The following UBE2Q2 variants were observed in gnomAD, a reference collection of about 807,000 sequenced individuals.
The protein encoded by UBE2Q2 is ubiquitin-conjugating enzyme E2 Q2.
UBE2Q2 carries 54 observed loss-of-function variants against 59.9 expected under a neutral mutation model. The observed-to-expected ratio is 0.90, with a 90% CI of 0.72 to 1.13. The LOEUF is 1.13. Ranked by LOEUF, UBE2Q2 falls within the 50% of genes most tolerant of loss-of-function variation. The pLI is 0.00. For synonymous variants in UBE2Q2, 165 were observed against 155.2 expected (o/e 1.06, Z -0.47); for missense variants, 433 against 441.9 (o/e 0.98, Z 0.18).
chr15:75,868,619 AT>A (rs1897629069), intron 3 of UBE2Q2, among the ~76,000 whole-genome samples: 1 of 152,218 alleles, frequency 6.6e-6, no homozygotes, highest in South Asian at 2.1e-4. Context: ...CATTGATCTT[AT>A]GCATATAGCC....
chr15:75,893,210 TTTAATC>T (rs796074860), intron 11 of UBE2Q2, among the ~76,000 whole-genome samples: 46 of 152,308 alleles, frequency 3.0e-4, no homozygotes, highest in African/African-American at 1.0e-3. Context: ...ATCCAGCTGT[TTTAATC>T]TATATATTTA....
At chr15:75,846,630 A>C (rs1192671173) in intron 1 of UBE2Q2, among the ~76,000 whole-genome samples, 1 of 152,226 alleles carries the variant, frequency 6.6e-6, no homozygotes, top group African/African-American at 2.4e-5. Flanking sequence ...GTTGGATTTC[A>C]AATGATTTGG....
intron 3 of UBE2Q2, among the ~76,000 whole-genome samples, chr15:75,864,905 A>G (rs1004208603): frequency 7.9e-5 from 12 of 152,222 alleles, no homozygotes; most frequent in Non-Finnish European, 1.6e-4. Context: ...GTAAGGGTAT[A>G]CATTTTCTTT....
chr15:75,859,776 CTT>C, intron 2 of UBE2Q2, 100 bp from the exon 3 acceptor site: 1 of 785,748 alleles, frequency 1.3e-6, no homozygotes, highest in East Asian at 3.1e-5. Flanking sequence ...CAGTAACAAA[CTT>C]TTTCATTTCC....
chr15:75,891,403 T>C (rs1390639849), intron 11 of UBE2Q2, among the ~76,000 whole-genome samples: 1 of 152,118 alleles, frequency 6.6e-6, no homozygotes, highest in African/African-American at 2.4e-5. Context: ...ATAGAACTAA[T>C]TCCTGGTAAG....
Position 75,899,717 on chromosome 15 carries a change from CT to C in UBE2Q2, c.*264del. On this transcript the variant is annotated 3_prime_UTR_variant, in exon 13 of 13. Coordinates refer to ENST00000267938, the MANE Select transcript of UBE2Q2 (RefSeq NM_173469.4). ...TACACATACTGGCCACTCCTTATCT[CT>C]TTTTCTTGAAAAGTGAACTTTTTAA... The C allele has an allele frequency of 4.2e-6, 1 of 240,964 alleles. No homozygotes were observed. The highest frequency in any genetic ancestry group is 8.0e-6 in the Non-Finnish European group (1 of 125,708). 14.9% of individuals were successfully genotyped at this position (240,964 alleles called of 1,614,324 possible).
At chr15:75,889,013 A>G (rs527963410) in intron 9 of UBE2Q2, among the ~76,000 whole-genome samples, 1 of 152,180 alleles carries the variant, frequency 6.6e-6, no homozygotes, top group South Asian at 2.1e-4. Context: ...TAACTCATCA[A>G]CCGATTATTA....
chr15:75,848,983 T>C (rs188069501), intron 1 of UBE2Q2, among the ~76,000 whole-genome samples: 238 of 152,306 alleles, frequency 1.6e-3, no homozygotes, highest in Middle Eastern at 6.8e-3. Context: ...CTTACAATGA[T>C]GTTCTCAGTA....
intron 2 of UBE2Q2, among the ~76,000 whole-genome samples, chr15:75,855,542 A>G (rs1238222748): frequency 6.6e-6 from 1 of 152,124 alleles, no homozygotes; most frequent in African/African-American, 2.4e-5. Flanking sequence ...CAGTCTTTAT[A>G]GAAAAATAAT....
chr15:75,897,077 TAA>T lies in UBE2Q2; in HGVS notation c.1096+17_1096+18del, dbSNP rs1293831082. The T allele has an allele frequency of 2.7e-6, 4 of 1,473,252 alleles. No individual in the cohort carries two copies. The highest frequency in any genetic ancestry group is 3.7e-6 in the Non-Finnish European group (4 of 1,082,586). 91.3% of individuals were successfully genotyped at this position (1,473,252 alleles called of 1,614,324 possible). ...GAGAAAAATGGTATGTTTAATTCAA[TAA>T]GTGTTTATTGCCATTTAAGAAGTTT... is the stretch of plus-strand genomic sequence containing the variant. On this transcript the variant is annotated intron_variant, in intron 12 of 12. Transcript: ENST00000267938.
intron 3 of UBE2Q2, among the ~76,000 whole-genome samples, chr15:75,865,602 A>T (rs548905652): frequency 1.3e-5 from 2 of 152,290 alleles, no homozygotes; most frequent in South Asian, 4.1e-4. Flanking sequence ...ACTTTTTAAA[A>T]AGCATTTTCA....
chr15:75,848,687 A>G (rs1488484323), intron 1 of UBE2Q2, among the ~76,000 whole-genome samples: 1 of 151,654 alleles, frequency 6.6e-6, no homozygotes, highest in African/African-American at 2.4e-5. Flanking sequence ...TTGGTTAAAC[A>G]TATTTAGACC....
chr15:75,879,915 T>C (rs1324332045), intron 8 of UBE2Q2, among the ~76,000 whole-genome samples: 2 of 151,748 alleles, frequency 1.3e-5, no homozygotes, highest in African/African-American at 4.8e-5. Context: ...GGGTAAGGAG[T>C]CCATCTAGGT....
chr15:75,883,788 G>A (rs2141650090), intron 9 of UBE2Q2, among the ~76,000 whole-genome samples: 1 of 152,152 alleles, frequency 6.6e-6, no homozygotes, highest in Middle Eastern at 3.4e-3. Context: ...AAAGCATTAT[G>A]TTGTTGATAG....
intron 2 of UBE2Q2, among the ~76,000 whole-genome samples, chr15:75,856,946 A>C (rs1896951377): frequency 6.6e-6 from 1 of 152,054 alleles, no homozygotes; most frequent in African/African-American, 2.4e-5. Context: ...GTCTCCAAAA[A>C]AAAAAAAAAG....
At chr15:75,852,694 A>G (rs771178211) in intron 1 of UBE2Q2, among the ~76,000 whole-genome samples, 8 of 152,220 alleles carry the variant, frequency 5.3e-5, no homozygotes, top group Non-Finnish European at 5.9e-5. Context: ...TGTATTCCCA[A>G]TGTGTGCTGA....
chr15:75,896,574 G>T (rs1227710491), intron 11 of UBE2Q2, among the ~76,000 whole-genome samples: 5 of 152,098 alleles, frequency 3.3e-5, no homozygotes, highest in Non-Finnish European at 7.4e-5. Flanking sequence ...GTATAGTTGT[G>T]GAAGCTTAAT....
intron 4 of UBE2Q2, among the ~76,000 whole-genome samples, 159 bp downstream of exon 4, chr15:75,869,169 A>G (rs1176736557): frequency 6.6e-6 from 1 of 152,230 alleles, no homozygotes. Flanking sequence ...CTTTACCTCT[A>G]ACTAATGATA....
At chr15:75,885,145 C>CG (rs1478471089) in intron 9 of UBE2Q2, among the ~76,000 whole-genome samples, 1 of 151,690 alleles carries the variant, frequency 6.6e-6, no homozygotes, top group Middle Eastern at 3.2e-3. Context: ...TTTTTTGAGA[C>CG]GGGGTCTCAC....
Sources: allele counts gnomAD v4.1 joint callset (sites outside exome capture counted in the v4.1 genomes callset), GRCh38; gene constraint gnomAD v4.1.1; transcripts MANE v1.5; gene names NCBI Gene and HGNC (gene_info 2026-07-23, HGNC 2026-07-21).